CHRAC1: variants seen among roughly 807,000 people sequenced by gnomAD.
CHRAC1 encodes chromatin accessibility complex protein 1.
In CHRAC1, 6 loss-of-function variants were observed where a neutral mutation model predicts 9.1. The ratio of observed to expected loss-of-function variants is 0.66; its 90% CI spans 0.36 to 1.29. CHRAC1 has a LOEUF of 1.29. Among genes scored for constraint, CHRAC1 ranks in the 50% most tolerant of loss-of-function variants. CHRAC1 has a pLI of 0.03. For synonymous variants in CHRAC1, 73 were observed against 64.5 expected (o/e 1.13, Z -0.63); for missense variants, 168 against 163.5 (o/e 1.03, Z -0.15).
At chr8:140,514,895 C>T (rs1247475770) in intron 2 of CHRAC1, 2 of 439,990 alleles carry the variant, frequency 4.5e-6, no homozygotes, top group East Asian at 8.5e-5. Flanking sequence ...ATAAAAGCAG[C>T]TCATAGAGAC....
intron 1 of CHRAC1, 79 bp downstream of exon 1, chr8:140,511,725 C>T (rs976506051): frequency 7.5e-6 from 9 of 1,204,776 alleles, no homozygotes; most frequent in South Asian, 6.1e-5. Context: ...CTGCCCAGTC[C>T]CCTTAGGCCC....
At chr8:140,513,360 G>A (rs2072300083) in intron 1 of CHRAC1, among the ~76,000 whole-genome samples, 1 of 152,244 alleles carries the variant, frequency 6.6e-6, no homozygotes. Flanking sequence ...CTTAGAAACA[G>A]TGTATGCAAA....
At chr8:140,513,237 GAGA>G (rs760058909) in intron 1 of CHRAC1, among the ~76,000 whole-genome samples, 5 of 152,236 alleles carry the variant, frequency 3.3e-5, no homozygotes, top group Non-Finnish European at 7.3e-5. Context: ...ATGCAGGAGG[GAGA>G]AGATCAGTTC....
intron 1 of CHRAC1, 140 bp downstream of exon 1, chr8:140,511,786 T>G: frequency 2.2e-6 from 2 of 889,782 alleles, no homozygotes; most frequent in Non-Finnish European, 3.2e-6. Context: ...GCTGTCCCCG[T>G]CCCACGCCGG....
chr8:140,514,340 T>C (rs555178047), intron 1 of CHRAC1, 29 bp from the exon 2 acceptor site: 11 of 1,564,782 alleles, frequency 7.0e-6, no homozygotes, highest in Non-Finnish European at 9.4e-6. Flanking sequence ...AAAGCACACC[T>C]TTCATTTGCA....
chr8:140,514,152 T>C (rs2231521), intron 1 of CHRAC1: 15,075 of 380,218 alleles, frequency 0.04, 369 homozygotes, highest in Middle Eastern at 0.1. Context: ...GTGAGCCGCC[T>C]GCCTCAGCCT....
rs570910523 is a variant in CHRAC1 at position 140,516,525 on chromosome 8, C to G, written c.*1278C>G. 14 of 152,114 alleles carry G rather than the reference C, an allele frequency of 9.2e-5. No homozygotes were observed. Among genetic ancestry groups the G allele is most frequent in the Admixed American group, 5.9e-4 (9 of 15,272 alleles). 9.4% of individuals were successfully genotyped at this position (152,114 alleles called of 1,614,324 possible). A position where few individuals can be genotyped will look rare whatever the true frequency, so the allele number is the denominator to read the frequency against. ...AAAATCACCCTTTTTAGTGTCTAGT[C>G]TGTGAATTTTGACAAATGCATGGTT... On this transcript the variant is annotated 3_prime_UTR_variant, in exon 3 of 3. Coordinates refer to ENST00000220913, the MANE Select transcript of CHRAC1 (RefSeq NM_017444.6).
At chr8:140,512,287 C>T (rs13439065) in intron 1 of CHRAC1, among the ~76,000 whole-genome samples, 1,589 of 152,312 alleles carry the variant, frequency 0.01, 34 homozygotes, top group African/African-American at 0.035. Flanking sequence ...GGCGCTTCAC[C>T]CGCGACTCGA....
At chr8:140,514,541 A>C (rs776148203) in intron 2 of CHRAC1, 46 bp downstream of exon 2, 20 of 1,483,534 alleles carry the variant, frequency 1.3e-5, no homozygotes, top group Admixed American at 5.1e-5. Flanking sequence ...ATTAGTAATC[A>C]ATAGCTCTTT....
Position 140,515,533 on chromosome 8 carries a change from C to G in CHRAC1, c.*286C>G, listed in dbSNP as rs1340105164. The G allele has an allele frequency of 2.4e-5, 6 of 251,312 alleles. No individual in the cohort carries two copies. In the East Asian group the frequency reaches 4.6e-4, roughly 19 times the overall value. 15.6% of individuals were successfully genotyped at this position (251,312 alleles called of 1,614,324 possible). A position where few individuals can be genotyped will look rare whatever the true frequency, so the allele number is the denominator to read the frequency against. On this transcript the variant is annotated 3_prime_UTR_variant, in exon 3 of 3. Coordinates refer to ENST00000220913, the MANE Select transcript of CHRAC1 (RefSeq NM_017444.6). ...GCCGATACTGGCAGCCATTGCAGCTCCAAACTGCAGAGGCAAGGCCAATTT... is the reference window on the plus strand; with the variant it reads ...GCCGATACTGGCAGCCATTGCAGCTGCAAACTGCAGAGGCAAGGCCAATTT...
In CHRAC1 at chr8:140,514,494, A is replaced by G; in HGVS notation, c.273A>G (p.Ala91=). ...AATCAGAAACTTTTCAGTTTCTTGC[A>G]GGTACTTAGTCTTTGAAACATTCTG... The part of the protein sequence containing the change: ...AQQSETFQFL[A]DILPKKILAS... The change falls in exon 2 of 3, where the codon GCA becomes GCG. Residue 91 remains alanine (A), a splice_region_variant and synonymous_variant. Transcript: ENST00000220913. The G allele has an allele frequency of 1.3e-6, 2 of 1,554,824 alleles. No homozygotes were observed. Among genetic ancestry groups the G allele is most frequent in the Non-Finnish European group, 1.7e-6 (2 of 1,161,226 alleles).
chr8:140,514,462 G>A lies in CHRAC1; in HGVS notation c.241G>A (p.Ala81Thr), dbSNP rs2072313792. 6.4e-7 allele frequency: 1 copy of A among 1,566,192 alleles called. No individual in the cohort carries two copies. Among genetic ancestry groups the A allele is most frequent in the East Asian group, 2.3e-5 (1 of 43,050 alleles). Residue 81 changes from alanine to threonine, a missense_variant, in exon 2 of 3, where the codon GCA (alanine) becomes ACA (threonine). Transcript: ENST00000220913. ...VLTYSDLANT[A>T]QQSETFQFLA... ...GACTTACAGTGATTTAGCAAACACT[G>A]CACAGCAATCAGAAACTTTTCAGTT...
Position 140,511,600 on chromosome 8 carries a change from T to C in CHRAC1, c.101T>C (p.Val34Ala), listed in dbSNP as rs2072274771. 6.8e-7 allele frequency: 1 copy of C among 1,479,206 alleles called. No individual in the cohort carries two copies. The highest frequency in any genetic ancestry group is 9.0e-7 in the Non-Finnish European group (1 of 1,108,650). 91.6% of individuals were successfully genotyped at this position (1,479,206 alleles called of 1,614,324 possible). The stretch of plus-strand genomic sequence containing the variant: ...GTCATCATGAAGAGCTCCCCCGAGG[T>C]GTCCAGCATCAACCAGGAGGCGTTG... ...IRVIMKSSPE[V>A]SSINQEALVL... Residue 34 changes from valine to alanine, a missense_variant, in exon 1 of 3, where the codon GTG becomes GCG. By Grantham distance (64) the Val-to-Ala change is moderately conservative. Coordinates refer to ENST00000220913, the MANE Select transcript of CHRAC1 (RefSeq NM_017444.6).
At chr8:140,513,130 A>G (rs968221989) in intron 1 of CHRAC1, among the ~76,000 whole-genome samples, 2 of 152,078 alleles carry the variant, frequency 1.3e-5, no homozygotes, top group Non-Finnish European at 2.9e-5. Flanking sequence ...CTCATCCCTT[A>G]TTAACTGAAC....
chr8:140,515,561 AC>A lies in CHRAC1; in HGVS notation c.*315del, dbSNP rs1272424460. The stretch of plus-strand genomic sequence containing the variant: ...AACTGCAGAGGCAAGGCCAATTTTA[AC>A]TTTTCAATTTACAGTCGATTTTGAA... On this transcript the variant is annotated 3_prime_UTR_variant, in exon 3 of 3. Coordinates refer to ENST00000220913, the MANE Select transcript of CHRAC1 (RefSeq NM_017444.6). The A allele has an allele frequency of 4.8e-6, 1 of 207,136 alleles. No homozygotes were observed. Among genetic ancestry groups the A allele is most frequent in the Non-Finnish European group, 9.6e-6 (1 of 104,148 alleles). The allele number at this position is 207,136 out of a possible 1,614,324, so 12.8% of individuals were successfully genotyped here.
intron 1 of CHRAC1, 163 bp downstream of exon 1, chr8:140,511,809 T>A: frequency 1.3e-6 from 1 of 753,530 alleles, no homozygotes; most frequent in Non-Finnish European, 2.0e-6. Flanking sequence ...CGCGCTTCGG[T>A]GCCCGCGCGC....
chr8:140,515,868 G>A lies in CHRAC1; in HGVS notation c.*621G>A, dbSNP rs985309414. The A allele has an allele frequency of 2.6e-5, 4 of 152,058 alleles. No individual in the cohort carries two copies. The highest frequency in any genetic ancestry group is 4.4e-5 in the Non-Finnish European group (3 of 68,000). The allele number at this position is 152,058 out of a possible 1,614,324, so 9.4% of individuals were successfully genotyped here. ...CTTGCTTACTGCCTGCAAATTTTGA[G>A]AAATTTAAAAATAAGCATTCTAACA... is the stretch of plus-strand genomic sequence containing the variant. On this transcript the variant is annotated 3_prime_UTR_variant, in exon 3 of 3. Coordinates refer to ENST00000220913, the MANE Select transcript of CHRAC1 (RefSeq NM_017444.6).
In CHRAC1 at chr8:140,511,529, G is replaced by C. The variant is rs529657755; in HGVS notation, c.30G>C (p.Lys10Asn). Residue 10 changes from lysine (K) to asparagine (N), a missense_variant, in exon 1 of 3, where the codon AAG becomes AAC. Coordinates refer to ENST00000220913, the MANE Select transcript of CHRAC1 (RefSeq NM_017444.6). ...CGGACGTGGTCGTGGGTAAAGACAA[G>C]GGCGGGGAGCAGCGGCTCATCTCGC... MADVVVGKD[K>N]GGEQRLISLP... The C allele has an allele frequency of 5.0e-6, 7 of 1,395,578 alleles. No homozygotes were observed. The East Asian group carries it at 2.1e-4, about 41-fold the overall frequency. 86.4% of individuals were successfully genotyped at this position (1,395,578 alleles called of 1,614,324 possible).
intron 1 of CHRAC1, among the ~76,000 whole-genome samples, chr8:140,513,402 T>C (rs1366941943): frequency 1.3e-5 from 2 of 152,204 alleles, no homozygotes; most frequent in Non-Finnish European, 2.9e-5. Context: ...CTGAGCCAAA[T>C]AGAATTTTTG....
Sources: allele counts gnomAD v4.1 joint callset (sites outside exome capture counted in the v4.1 genomes callset), GRCh38; gene constraint gnomAD v4.1.1; transcripts MANE v1.5; gene names NCBI Gene and HGNC (gene_info 2026-07-23, HGNC 2026-07-21).